CNBD1: variants seen among roughly 807,000 people sequenced by gnomAD.
CNBD1 encodes the protein cyclic nucleotide-binding domain-containing protein 1.
In CNBD1, 71 loss-of-function variants were observed where a neutral mutation model predicts 54.4. That is an observed-to-expected ratio of 1.30 (90% CI 1.08 to 1.59). CNBD1 has a LOEUF of 1.59. CNBD1 is among the 40% of genes most tolerant of loss of function. CNBD1 has a pLI of 0.00. For missense variants in CNBD1, 659 were observed against 518.0 expected (o/e 1.27, Z -2.64); for synonymous variants, 182 against 170.7 (o/e 1.07, Z -0.51).
chr8:87,012,360 C>T (rs1283359376), intron 4 of CNBD1, among the ~76,000 whole-genome samples: 5 of 152,166 alleles, frequency 3.3e-5, no homozygotes. Context: ...CACAAATTCT[C>T]ATCAGATGGG....
intron 4 of CNBD1, among the ~76,000 whole-genome samples, chr8:87,027,673 C>T (rs971717835): frequency 2.6e-5 from 4 of 152,164 alleles, no homozygotes; most frequent in African/African-American, 7.2e-5. Context: ...AAACAGGAGG[C>T]CCAACCCTTT....
intron 2 of CNBD1, among the ~76,000 whole-genome samples, chr8:87,426,141 C>T (rs1808044310): frequency 1.3e-5 from 2 of 152,250 alleles, no homozygotes; most frequent in South Asian, 4.1e-4. Flanking sequence ...AGCCCTTGTG[C>T]TTCCTGAGTG....
At chr8:87,371,108 C>T (rs1446796327) in intron 10 of CNBD1, among the ~76,000 whole-genome samples, 1 of 151,492 alleles carries the variant, frequency 6.6e-6, no homozygotes, top group Non-Finnish European at 1.5e-5. Flanking sequence ...GGTACCAGTA[C>T]CATGCTGTTT....
chr8:87,095,928 G>A (rs1280800927), intron 4 of CNBD1, among the ~76,000 whole-genome samples: 2 of 152,178 alleles, frequency 1.3e-5, no homozygotes, highest in Non-Finnish European at 2.9e-5. Flanking sequence ...AAAATGTTGG[G>A]ATTACAGGCA....
At chr8:87,058,457 C>G in intron 4 of CNBD1, among the ~76,000 whole-genome samples, 1 of 152,176 alleles carries the variant, frequency 6.6e-6, no homozygotes, top group East Asian at 1.9e-4. Context: ...CTGCACTGCC[C>G]CAGCAGAGGT....
At chr8:86,867,967 C>T (rs770245768) in intron 1 of CNBD1, among the ~76,000 whole-genome samples, 76 of 152,246 alleles carry the variant, frequency 5.0e-4, no homozygotes, top group Admixed American at 1.3e-3. Flanking sequence ...TTTAGAGGTT[C>T]GCACTTGATG....
At chr8:87,420,639 C>T (rs1807914442) in intron 2 of CNBD1, among the ~76,000 whole-genome samples, 1 of 152,032 alleles carries the variant, frequency 6.6e-6, no homozygotes, top group African/African-American at 2.4e-5. Context: ...TTAACGACCA[C>T]TCTCTTTCAT....
chr8:87,299,216 T>C (rs1174487331), intron 8 of CNBD1, among the ~76,000 whole-genome samples: 1 of 152,266 alleles, frequency 6.6e-6, no homozygotes, highest in South Asian at 2.1e-4. Context: ...TTCCACTTTT[T>C]CCAATTATTT....
intron 6 of CNBD1, among the ~76,000 whole-genome samples, chr8:87,274,250 T>A (rs1256621481): frequency 6.6e-6 from 1 of 150,566 alleles, no homozygotes; most frequent in African/African-American, 2.5e-5. Context: ...TGTGTCTTTA[T>A]AGCAGCATGA....
intron 4 of CNBD1, among the ~76,000 whole-genome samples, chr8:87,198,905 C>T (rs903678093): frequency 4.6e-5 from 7 of 152,110 alleles, no homozygotes; most frequent in African/African-American, 1.4e-4. Flanking sequence ...AAGCCTGGTG[C>T]GGGCATCTGC....
At chr8:87,329,365 A>G (rs969103134) in intron 8 of CNBD1, among the ~76,000 whole-genome samples, 1 of 152,062 alleles carries the variant, frequency 6.6e-6, no homozygotes, top group Admixed American at 6.5e-5. Flanking sequence ...TTCTTCTTCA[A>G]TATTGTATTG....
chr8:86,969,091 T>C (rs1466878257), intron 4 of CNBD1, among the ~76,000 whole-genome samples: 1 of 152,216 alleles, frequency 6.6e-6, no homozygotes, highest in African/African-American at 2.4e-5. Flanking sequence ...AGCTCGAATT[T>C]TCCTTTGGTT....
chr8:87,392,782 A>G (rs75365337), intron 2 of CNBD1, among the ~76,000 whole-genome samples: 1 of 151,928 alleles, frequency 6.6e-6, no homozygotes, highest in African/African-American at 2.4e-5. Flanking sequence ...TAAATTGTTC[A>G]CTTCCAAATG....
At chr8:87,052,914 T>C (rs944300409) in intron 4 of CNBD1, among the ~76,000 whole-genome samples, 1 of 151,906 alleles carries the variant, frequency 6.6e-6, no homozygotes, top group African/African-American at 2.4e-5. Flanking sequence ...AGTGGCATCA[T>C]ATCCACTGGG....
intron 8 of CNBD1, among the ~76,000 whole-genome samples, chr8:87,339,364 T>C (rs932802174): frequency 6.6e-6 from 1 of 152,184 alleles, no homozygotes. Context: ...ACAATTCAGG[T>C]TTCCCTACGC....
At chr8:86,919,972 G>T (rs1156455542) in intron 3 of CNBD1, among the ~76,000 whole-genome samples, 1 of 151,796 alleles carries the variant, frequency 6.6e-6, no homozygotes, top group Non-Finnish European at 1.5e-5. Flanking sequence ...TGAACAGCAA[G>T]TTTACTGTTT....
At chr8:87,412,258 GT>G (rs1807759144) in intron 2 of CNBD1, among the ~76,000 whole-genome samples, 1 of 152,042 alleles carries the variant, frequency 6.6e-6, no homozygotes, top group African/African-American at 2.4e-5. Flanking sequence ...GATATATCAT[GT>G]GTTTTGGTAT....
At chr8:87,161,723 A>G (rs114878307) in intron 4 of CNBD1, among the ~76,000 whole-genome samples, 382 of 152,256 alleles carry the variant, frequency 2.5e-3, no homozygotes, top group African/African-American at 8.4e-3. Context: ...TATTCAGACA[A>G]TGTATTTTGT....
intron 8 of CNBD1, among the ~76,000 whole-genome samples, chr8:87,341,244 C>T (rs1286458403): frequency 5.3e-5 from 8 of 152,108 alleles, no homozygotes; most frequent in Admixed American, 4.6e-4. Flanking sequence ...CAGAATGCTT[C>T]CCAGCTCTTT....
Sources: allele counts gnomAD v4.1 joint callset (sites outside exome capture counted in the v4.1 genomes callset), GRCh38; gene constraint gnomAD v4.1.1; transcripts MANE v1.5; gene names NCBI Gene and HGNC (gene_info 2026-07-23, HGNC 2026-07-21).